Variants in ZFYVE16 observed in about 807,000 individuals in gnomAD.
The protein encoded by ZFYVE16 is zinc finger FYVE-type containing 16.
In ZFYVE16, 89 loss-of-function variants were observed where a neutral mutation model predicts 138.1. The ratio of observed to expected loss-of-function variants is 0.64; its 90% CI spans 0.54 to 0.77. ZFYVE16 has a LOEUF of 0.77. Among genes scored for constraint, ZFYVE16 ranks in the 30% least tolerant of loss-of-function variants. ZFYVE16 has a pLI of 0.00. For missense variants in ZFYVE16, 1,793 were observed against 1,786.7 expected (o/e 1.00, Z -0.06); for synonymous variants, 596 against 618.3 (o/e 0.96, Z 0.53).
chr5:80,408,355 C>G (rs1175892985), intron 1 of ZFYVE16, among the ~76,000 whole-genome samples: 2 of 152,258 alleles, frequency 1.3e-5, no homozygotes, highest in Non-Finnish European at 2.9e-5. Flanking sequence ...TCTGATGTCC[C>G]CTCCTGGAGC....
Position 80,437,807 on chromosome 5 carries a change from A to C in ZFYVE16, c.1122A>C (p.Ser374=). Residue 374 remains serine, a synonymous_variant, in exon 4 of 19, where the codon TCA becomes TCC. Coordinates refer to ENST00000505560, the MANE Select transcript of ZFYVE16 (RefSeq NM_001284236.3). ...TTTCCAGTAAAGATGTGCCGTCCTC[A>C]TTGTCCTGTCTTCCTGCGTCTGGGT... is the stretch of plus-strand genomic sequence containing the variant. ...LHVSSKDVPS[S]LSCLPASGSM... 1 of 1,614,070 alleles carries C rather than the reference A, an allele frequency of 6.2e-7. No individual in the cohort carries two copies. The highest frequency in any genetic ancestry group is 8.5e-7 in the Non-Finnish European group (1 of 1,179,966).
In ZFYVE16 at chr5:80,434,113, AC is replaced by A. The variant is rs1561262967; in HGVS notation, c.-34del. 8 of 1,591,620 alleles carry A rather than the reference AC, an allele frequency of 5.0e-6. No homozygotes were observed. The highest frequency in any genetic ancestry group is 1.7e-5 in the Admixed American group (1 of 59,018). ...ATTATACTTTCTATTTTTTAGGCAT[AC>A]AAGAATTAAATTCTGAATAAGTCTG... On this transcript the variant is annotated 5_prime_UTR_variant, in exon 3 of 19. Coordinates refer to ENST00000505560, the MANE Select transcript of ZFYVE16 (RefSeq NM_001284236.3).
chr5:80,477,531 C>A lies in ZFYVE16; in HGVS notation c.*154C>A. On this transcript the variant is annotated 3_prime_UTR_variant, in exon 19 of 19. Transcript: ENST00000505560. ...TTAGGCAGGAATGATCTTTTCAAAT[C>A]ATTAGCACAATATTTAAATATCTAA... 2 of 564,174 alleles carry A rather than the reference C, an allele frequency of 3.5e-6. No individual in the cohort carries two copies. The highest frequency in any genetic ancestry group is 5.5e-6 in the Non-Finnish European group (2 of 365,100). The allele number at this position is 564,174 out of a possible 1,614,324, so 34.9% of individuals were successfully genotyped here.
Position 80,430,089 on chromosome 5 carries a change from G to C in ZFYVE16, c.-40+2544G>C, listed in dbSNP as rs574458427. Reference sequence around the variant, plus strand: ...GAACTCAGCTCTGCACCAAGCGGACGTAATAGACATCTACCGAACTCTCCA... The same window carrying C: ...GAACTCAGCTCTGCACCAAGCGGACCTAATAGACATCTACCGAACTCTCCA... On this transcript the variant is annotated intron_variant, in intron 2 of 18. Coordinates refer to ENST00000505560, the MANE Select transcript of ZFYVE16 (RefSeq NM_001284236.3). Among the ~76,000 whole-genome samples the C allele has an allele frequency of 2.0e-3, 310 of 152,162 alleles. 2 individuals carry two copies. Among genetic ancestry groups the C allele is most frequent in the African/African-American group, 7.1e-3 (293 of 41,532 alleles).
rs950591340 is a variant in ZFYVE16, at chr5:80,478,760, A to G, written c.*1383A>G. 1 of 152,120 alleles carries G rather than the reference A, an allele frequency of 6.6e-6. No individual in the cohort carries two copies. The highest frequency in any genetic ancestry group is 2.4e-5 in the African/African-American group (1 of 41,440). 9.4% of individuals were successfully genotyped at this position (152,120 alleles called of 1,614,324 possible). A position where few individuals can be genotyped will look rare whatever the true frequency, so the allele number is the denominator to read the frequency against. On this transcript the variant is annotated 3_prime_UTR_variant, in exon 19 of 19. Coordinates refer to ENST00000505560, the MANE Select transcript of ZFYVE16 (RefSeq NM_001284236.3). ...CTAGGAGAGACTGAGAATTTTAATC[A>G]GTTTGGGCATATAGTTTGGACTGAA...
At chr5:80,449,933 G>GTT (rs1751806153) in intron 9 of ZFYVE16, among the ~76,000 whole-genome samples, 1 of 152,072 alleles carries the variant, frequency 6.6e-6, no homozygotes, top group Non-Finnish European at 1.5e-5. Flanking sequence ...TCAATCTTAG[G>GTT]TTAAGGTCAT....
chr5:80,480,489 G>C lies in ZFYVE16; in HGVS notation c.*3112G>C, dbSNP rs981778832. 1.3e-5 allele frequency among the ~76,000 whole-genome samples: 2 copies of C among 151,978 alleles called. No individual in the cohort carries two copies. The highest frequency in any genetic ancestry group is 2.9e-5 in the Non-Finnish European group (2 of 68,000). On this transcript the variant is annotated 3_prime_UTR_variant, in exon 19 of 19. Coordinates refer to ENST00000505560, the MANE Select transcript of ZFYVE16 (RefSeq NM_001284236.3). ...GTGAAAAATCCTAAGTGCTTCATTAGCTGTGAGAGGAGAGGCAAGAATAGG... is the reference window on the plus strand; with the variant it reads ...GTGAAAAATCCTAAGTGCTTCATTACCTGTGAGAGGAGAGGCAAGAATAGG...
intron 1 of ZFYVE16, among the ~76,000 whole-genome samples, chr5:80,414,953 T>C (rs1745995170): frequency 6.6e-6 from 1 of 152,212 alleles, no homozygotes; most frequent in Non-Finnish European, 1.5e-5. Flanking sequence ...TAAGAGTTTT[T>C]CATTCATGTG....
At chr5:80,418,903 G>C (rs1280525373) in intron 1 of ZFYVE16, among the ~76,000 whole-genome samples, 1 of 152,072 alleles carries the variant, frequency 6.6e-6, no homozygotes, top group Non-Finnish European at 1.5e-5. Flanking sequence ...TGAATGTTAA[G>C]TTTAGGTTAC....
intron 3 of ZFYVE16, among the ~76,000 whole-genome samples, chr5:80,436,120 A>G (rs1181011338): frequency 2.0e-5 from 3 of 152,190 alleles, no homozygotes; most frequent in African/African-American, 7.2e-5. Flanking sequence ...ACAGCTCCAG[A>G]TTCACACTGA....
At position 80,438,548 on chromosome 5, in the gene ZFYVE16, A is replaced by G; in HGVS notation, c.1863A>G (p.Gln621=). 1.2e-6 allele frequency: 2 copies of G among 1,614,100 alleles called. No individual in the cohort carries two copies. The highest frequency in any genetic ancestry group is 8.5e-7 in the Non-Finnish European group (1 of 1,179,966). Residue 621 remains glutamine, a synonymous_variant, in exon 4 of 19, where the codon CAA becomes CAG. Coordinates refer to ENST00000505560, the MANE Select transcript of ZFYVE16 (RefSeq NM_001284236.3). ...LGEKSTIPVQ[Q]GLPTSKSEIT... ...AAAAAAGCACTATTCCAGTTCAACA[A>G]GGGTTACCTACCAGTAAGTCTGAGA...
At chr5:80,450,030 A>G (rs113930658) in intron 9 of ZFYVE16, among the ~76,000 whole-genome samples, 8 of 152,294 alleles carry the variant, frequency 5.3e-5, no homozygotes, top group Middle Eastern at 3.4e-3. Context: ...AAATTTGGTA[A>G]CTGAAATAAG....
intron 4 of ZFYVE16, among the ~76,000 whole-genome samples, 160 bp from the exon 5 acceptor site, chr5:80,439,776 G>T (rs1014617470): frequency 1.3e-5 from 2 of 151,956 alleles, no homozygotes; most frequent in South Asian, 2.1e-4. Flanking sequence ...ACAAAAAAAA[G>T]AATCATTTAA....
At chr5:80,453,214 G>C (rs1215822008) in intron 11 of ZFYVE16, among the ~76,000 whole-genome samples, 1 of 152,134 alleles carries the variant, frequency 6.6e-6, no homozygotes, top group African/African-American at 2.4e-5. Context: ...ATTTACATGT[G>C]TGATGCTATT....
At chr5:80,470,099 G>GTGTGTGTA (rs1327173079) in intron 15 of ZFYVE16, among the ~76,000 whole-genome samples, 150 of 121,172 alleles carry the variant, frequency 1.2e-3, no homozygotes, top group Middle Eastern at 5.2e-3. Flanking sequence ...GTGTGTGTGT[G>GTGTGTGTA]TATTTTTTTT....
rs985924361 is a variant in ZFYVE16, at chr5:80,448,070, G to A, written c.2769G>A (p.Lys923=). The A allele has an allele frequency of 1.3e-5, 21 of 1,613,068 alleles. No individual in the cohort carries two copies. The highest frequency in any genetic ancestry group is 1.8e-5 in the Non-Finnish European group (21 of 1,179,594). ...VDHSHSTTVE[K]PNNETGDITR... ...ATTCCCATTCTACTACAGTGGAAAAGCCAAACAATGAGACAGGAGATATTA... is the reference window on the plus strand; with the variant it reads ...ATTCCCATTCTACTACAGTGGAAAAACCAAACAATGAGACAGGAGATATTA... Residue 923 remains lysine (K), a synonymous_variant, in exon 8 of 19, where the codon AAG becomes AAA. Transcript: ENST00000505560.
At chr5:80,435,824 C>A in intron 3 of ZFYVE16, 1 of 331,306 alleles carries the variant, frequency 3.0e-6, no homozygotes, top group Non-Finnish European at 6.1e-6. Flanking sequence ...ATCCTCCGAC[C>A]GTGGCTTCCC....
At chr5:80,423,269 G>A (rs1188542503) in intron 1 of ZFYVE16, among the ~76,000 whole-genome samples, 2 of 152,004 alleles carry the variant, frequency 1.3e-5, no homozygotes, top group Non-Finnish European at 2.9e-5. Context: ...TATCATTTGA[G>A]GAATTGGTTC....
chr5:80,438,975 A>G lies in ZFYVE16; in HGVS notation c.2290A>G (p.Lys764Glu), dbSNP rs1233728508. 3.1e-6 allele frequency: 5 copies of G among 1,612,910 alleles called. No individual in the cohort carries two copies. The highest frequency in any genetic ancestry group is 4.2e-6 in the Non-Finnish European group (5 of 1,179,288). ...CTGCCAAGTCAAATTTACTTTTACC[A>G]AACGGCGACACCATTGCCGAGCATG... ...MNCQVKFTFT[K>E]RRHHCRACGK... The change falls in exon 4 of 19, where the codon AAA (lysine) becomes GAA (glutamate). Residue 764 changes from lysine (K) to glutamate (E), a missense_variant. Around this residue, in one of 2 missense-constraint regions of ZFYVE16, gnomAD observed 1,295 missense variants for 1,204.3 expected, o/e 1.08. Coordinates refer to ENST00000505560, the MANE Select transcript of ZFYVE16 (RefSeq NM_001284236.3).
Sources: gnomAD v4.1 joint callset for allele counts (sites outside exome capture counted in the v4.1 genomes callset) on GRCh38, gnomAD v4.1.1 for gene constraint, gnomAD v4.1.1 regional missense constraint, MANE v1.5 for transcripts, NCBI Gene and HGNC (gene_info 2026-07-23, HGNC 2026-07-21) for gene names.